Variants in CNTNAP4 observed in about 807,000 individuals in gnomAD.
CNTNAP4 encodes contactin associated protein family member 4, also known as contactin-associated protein-like 4.
A neutral mutation model predicts 148.4 loss-of-function variants in CNTNAP4; 98 were observed. That is an observed-to-expected ratio of 0.66 (90% CI 0.56 to 0.78). CNTNAP4 has a LOEUF of 0.78. Among genes scored for constraint, CNTNAP4 ranks in the 30% least tolerant of loss-of-function variants. The pLI, the probability that CNTNAP4 is intolerant of heterozygous loss-of-function variation, is 0.00. For synonymous variants in CNTNAP4, 730 were observed against 565.1 expected, an observed-to-expected ratio of 1.29 and a Z score of -4.14; for missense variants, 1,935 against 1,565.6, an observed-to-expected ratio of 1.24 and a Z score of -3.98.
Position 76,412,039 on chromosome 16 carries a change from A to G in CNTNAP4, c.391-15413A>G, listed in dbSNP as rs1367330816. ...TTTGCTTATTTTGAATTATATACAG[A>G]AGGAATCATACTATATGAACTTTTA... On this transcript the variant is annotated intron_variant, in intron 3 of 23. Coordinates refer to ENST00000611870, the MANE Select transcript of CNTNAP4 (RefSeq NM_033401.5). 2.0e-5 allele frequency among the ~76,000 whole-genome samples: 3 copies of G among 151,446 alleles called. No individual in the cohort carries two copies. The East Asian group carries it at 5.8e-4, about 29-fold the overall frequency.
chr16:76,359,318 T>C (rs146046120), intron 3 of CNTNAP4, among the ~76,000 whole-genome samples: 67 of 152,248 alleles, frequency 4.4e-4, no homozygotes, highest in Admixed American at 1.6e-3. Flanking sequence ...AGGAAACACA[T>C]AAGGCATTAT....
rs868074713 is a variant in CNTNAP4, at chr16:76,469,905, A to C, written c.1655+2382A>C. Among the ~76,000 whole-genome samples the C allele has an allele frequency of 2.6e-5, 4 of 152,280 alleles. No homozygotes were observed. The South Asian group carries it at 8.3e-4, about 32-fold the overall frequency. Reference sequence around the variant, plus strand: ...TCTGTAAACCTGTTGTCTTATACTCAGAAGAAGATGTATATTTAGTTTGGT... The same window carrying C: ...TCTGTAAACCTGTTGTCTTATACTCCGAAGAAGATGTATATTTAGTTTGGT... On this transcript the variant is annotated intron_variant, in intron 10 of 23. Transcript: ENST00000611870.
intron 2 of CNTNAP4, among the ~76,000 whole-genome samples, chr16:76,350,191 A>G (rs79585105): frequency 6.6e-6 from 1 of 152,236 alleles, no homozygotes; most frequent in East Asian, 1.9e-4. Context: ...AGTTGTAATT[A>G]CTCCAGGGGT....
chr16:76,459,675 G>A (rs968531543), intron 8 of CNTNAP4, among the ~76,000 whole-genome samples: 1 of 152,188 alleles, frequency 6.6e-6, no homozygotes, highest in African/African-American at 2.4e-5. Context: ...GAAATCACAT[G>A]CAATATCAGA....
intron 2 of CNTNAP4, among the ~76,000 whole-genome samples, chr16:76,340,741 G>C (rs570035702): frequency 2.3e-4 from 35 of 152,288 alleles, no homozygotes; most frequent in African/African-American, 8.4e-4. Flanking sequence ...TTGCCTGCTA[G>C]TAGAACATTA....
At chr16:76,362,878 G>T (rs1306212311) in intron 3 of CNTNAP4, among the ~76,000 whole-genome samples, 1 of 152,038 alleles carries the variant, frequency 6.6e-6, no homozygotes, top group Non-Finnish European at 1.5e-5. Context: ...TAACAAACCT[G>T]CACATGTATG....
In CNTNAP4 at chr16:76,349,252, G is replaced by A. The variant is rs80190344; in HGVS notation, c.197-6066G>A. Among the ~76,000 whole-genome samples, 486 of 152,176 alleles carry A rather than the reference G, an allele frequency of 3.2e-3. 7 individuals carry two copies. The East Asian group carries it at 0.044, about 14-fold the overall frequency. On this transcript the variant is annotated intron_variant, in intron 2 of 23. Coordinates refer to ENST00000611870, the MANE Select transcript of CNTNAP4 (RefSeq NM_033401.5). The stretch of plus-strand genomic sequence containing the variant: ...TCTTATCTTCTCAGCATTAATAGCA[G>A]AAAAGAGTCTGTTCTCCAAATGTCC...
chr16:76,382,021 A>G (rs1008004721), intron 3 of CNTNAP4, among the ~76,000 whole-genome samples: 16 of 133,410 alleles, frequency 1.2e-4, no homozygotes, highest in Non-Finnish European at 2.5e-4. Flanking sequence ...AGATCGCGCC[A>G]CTGCGCTCTA....
Position 76,401,461 on chromosome 16 carries a change from T to C in CNTNAP4, c.391-25991T>C, listed in dbSNP as rs533752668. On this transcript the variant is annotated intron_variant, in intron 3 of 23. Transcript: ENST00000611870. Reference sequence around the variant, plus strand: ...AGCTTTTGGGCTGAGATGATGGGGGTTTCTAGATATAGAATCATGTCATCT... The same window carrying C: ...AGCTTTTGGGCTGAGATGATGGGGGCTTCTAGATATAGAATCATGTCATCT... Among the ~76,000 whole-genome samples, 3 of 152,278 alleles carry C rather than the reference T, an allele frequency of 2.0e-5. No homozygotes were observed. In the East Asian group the frequency reaches 5.8e-4, roughly 29 times the overall value.
chr16:76,433,477 A>AAATTCC (rs2079691353), intron 4 of CNTNAP4, among the ~76,000 whole-genome samples: 1 of 152,172 alleles, frequency 6.6e-6, no homozygotes, highest in Non-Finnish European at 1.5e-5. Context: ...TTATTTAAAA[A>AAATTCC]AATTCCAATT....
chr16:76,344,985 A>T (rs78974589), intron 2 of CNTNAP4, among the ~76,000 whole-genome samples: 12,747 of 152,262 alleles, frequency 0.084, 689 homozygotes, highest in East Asian at 0.16. Flanking sequence ...TGTGCCAAGG[A>T]CAGTGACATC....
Position 76,495,045 on chromosome 16 carries a change from G to T in CNTNAP4, c.2216G>T (p.Cys739Phe). 1 of 1,613,308 alleles carries T rather than the reference G, an allele frequency of 6.2e-7. No homozygotes were observed. Among genetic ancestry groups the T allele is most frequent in the South Asian group, 1.1e-5 (1 of 91,036 alleles). ...NCIDSQYYCN[C>F]DADRNEWTND... Reference sequence around the variant, plus strand: ...ATTGATTCTCAGTATTACTGCAATTGTGATGCTGACCGGAATGAATGGTGA... The same window carrying T: ...ATTGATTCTCAGTATTACTGCAATTTTGATGCTGACCGGAATGAATGGTGA... Residue 739 changes from cysteine to phenylalanine, a missense_variant, in exon 14 of 24, where the codon TGT becomes TTT. Transcript: ENST00000611870.
chr16:76,512,818 A>G (rs1285933333), intron 15 of CNTNAP4, among the ~76,000 whole-genome samples: 5 of 152,180 alleles, frequency 3.3e-5, no homozygotes. Flanking sequence ...GAGTGTGGGT[A>G]TCCTGGACTC....
chr16:76,469,186 T>C (rs1423722507), intron 10 of CNTNAP4, among the ~76,000 whole-genome samples: 1 of 152,166 alleles, frequency 6.6e-6, no homozygotes, highest in Non-Finnish European at 1.5e-5. Context: ...TCCCCACAAA[T>C]ACTCATTTAT....
chr16:76,417,724 G>T (rs2144967623), intron 3 of CNTNAP4, among the ~76,000 whole-genome samples: 1 of 151,488 alleles, frequency 6.6e-6, no homozygotes, highest in South Asian at 2.1e-4. Flanking sequence ...CCAGATTTCT[G>T]AGCTATATAA....
At chr16:76,326,016 C>A (rs1158102944) in intron 2 of CNTNAP4, among the ~76,000 whole-genome samples, 4 of 151,906 alleles carry the variant, frequency 2.6e-5, no homozygotes, top group Non-Finnish European at 5.9e-5. Context: ...GTTAATATGC[C>A]TTCAAATATG....
intron 3 of CNTNAP4, among the ~76,000 whole-genome samples, chr16:76,416,439 C>T (rs1597467980): frequency 6.6e-6 from 1 of 151,110 alleles, no homozygotes; most frequent in African/African-American, 2.4e-5. Flanking sequence ...CTCTATCCTG[C>T]GTATTTTGAT....
intron 3 of CNTNAP4, among the ~76,000 whole-genome samples, chr16:76,384,967 G>C (rs2016366645): frequency 6.6e-6 from 1 of 152,116 alleles, no homozygotes; most frequent in South Asian, 2.1e-4. Flanking sequence ...TTTACAGTCA[G>C]CATTCAACCG....
At chr16:76,278,837 C>T (rs558782790) in intron 1 of CNTNAP4, among the ~76,000 whole-genome samples, 61 of 152,236 alleles carry the variant, frequency 4.0e-4, no homozygotes, top group Non-Finnish European at 6.3e-4. Context: ...ATGTGAAAAA[C>T]ATGACAAACT....
Sources: allele counts gnomAD v4.1 joint callset (sites outside exome capture counted in the v4.1 genomes callset), GRCh38; gene constraint gnomAD v4.1.1; transcripts MANE v1.5; gene names NCBI Gene and HGNC (gene_info 2026-07-23, HGNC 2026-07-21).